Variants in MIA2 observed in about 807,000 individuals in gnomAD.
The protein encoded by MIA2 is melanoma inhibitory activity protein 2.
A neutral mutation model predicts 167.8 loss-of-function variants in MIA2; 127 were observed. The ratio of observed to expected loss-of-function variants is 0.76; its 90% CI spans 0.66 to 0.88. MIA2 has a LOEUF of 0.88. MIA2 is among the 40% of genes least tolerant of loss of function. MIA2 has a pLI of 0.00. For synonymous variants in MIA2, 552 were observed against 541.9 expected (o/e 1.02, Z -0.26); for missense variants, 1,690 against 1,624.7 (o/e 1.04, Z -0.69).
intron 18 of MIA2, among the ~76,000 whole-genome samples, chr14:39,311,623 G>C (rs7151835): frequency 1.3e-5 from 2 of 151,042 alleles, no homozygotes; most frequent in South Asian, 4.2e-4. Context: ...GACTACAGGC[G>C]TGCGCCACCA....
chr14:39,326,692 T>C (rs1260010855), intron 24 of MIA2, among the ~76,000 whole-genome samples, 172 bp from the exon 25 acceptor site: 1 of 151,168 alleles, frequency 6.6e-6, no homozygotes, highest in Admixed American at 6.6e-5. Context: ...AATTACTTTA[T>C]AATTATCCTG....
intron 23 of MIA2, chr14:39,386,429 G>A (rs541827907): frequency 1.8e-5 from 28 of 1,551,864 alleles, no homozygotes; most frequent in Middle Eastern, 1.7e-4. Context: ...GCTGTTTCTA[G>A]CAGAACCTTT....
chr14:39,355,358 A>G (rs561272407), downstream of MIA2, among the ~76,000 whole-genome samples: 112 of 152,168 alleles, frequency 7.4e-4, no homozygotes, highest in African/African-American at 2.5e-3. Flanking sequence ...CTGTTTGTCT[A>G]TTATTGGTGT....
chr14:39,371,824 CTT>C (rs1021938997), intron 23 of MIA2, among the ~76,000 whole-genome samples: 23 of 152,302 alleles, frequency 1.5e-4, no homozygotes, highest in African/African-American at 5.1e-4. Context: ...GTCTTTCTGT[CTT>C]AGTCTCCTGG....
intron 2 of MIA2, among the ~76,000 whole-genome samples, chr14:39,237,607 T>C (rs2053815125): frequency 6.6e-6 from 1 of 152,204 alleles, no homozygotes; most frequent in South Asian, 2.1e-4. Context: ...GCTAAGAGAA[T>C]GCCTTGAATT....
chr14:39,349,946 AT>A (rs1316234955), intron 28 of MIA2, 151 bp from the exon 29 acceptor site: 6 of 435,334 alleles, frequency 1.4e-5, no homozygotes, highest in Non-Finnish European at 2.5e-5. Flanking sequence ...GTTTTTCTCA[AT>A]GTAAAAATTA....
chr14:39,361,312 C>T (rs910342439), intron 23 of MIA2, among the ~76,000 whole-genome samples: 2 of 152,018 alleles, frequency 1.3e-5, no homozygotes, highest in African/African-American at 4.8e-5. Flanking sequence ...GCCTCTTTAA[C>T]TTCTTTTATC....
At chr14:39,267,080 G>T in intron 6 of MIA2, 4 of 1,095,576 alleles carry the variant, frequency 3.7e-6, no homozygotes, top group South Asian at 2.4e-5. Flanking sequence ...ACCCGGACAC[G>T]TCTGCGAAGC....
chr14:39,385,857 C>G (rs1431495371), intron 23 of MIA2: 1 of 964,720 alleles, frequency 1.0e-6, no homozygotes, highest in African/African-American at 1.6e-5. Flanking sequence ...GACCTCTCCC[C>G]CGCATGCCCC....
chr14:39,268,172 G>A (rs781166522), intron 6 of MIA2, among the ~76,000 whole-genome samples: 2 of 151,956 alleles, frequency 1.3e-5, no homozygotes, highest in Non-Finnish European at 2.9e-5. Context: ...GTGTTTCTAG[G>A]TATCTTTGTT....
chr14:39,255,107 T>G (rs1215664156), intron 6 of MIA2, among the ~76,000 whole-genome samples: 1 of 152,214 alleles, frequency 6.6e-6, no homozygotes, highest in Non-Finnish European at 1.5e-5. Flanking sequence ...AATTTTTTTT[T>G]GCTTGATTCA....
intron 10 of MIA2, chr14:39,292,586 T>A (rs912539938): frequency 5.4e-6 from 1 of 186,656 alleles, no homozygotes; most frequent in Non-Finnish European, 1.1e-5. Flanking sequence ...TAAACAAGTT[T>A]TTAAATCACT....
At chr14:39,269,087 T>TTTTTTTG in intron 6 of MIA2, 1 of 960,704 alleles carries the variant, frequency 1.0e-6, no homozygotes. Flanking sequence ...TTTTTTTTTT[T>TTTTTTTG]TTTTTTTTTT....
At chr14:39,267,436 G>T (rs377313525) in intron 6 of MIA2, 5 of 1,611,282 alleles carry the variant, frequency 3.1e-6, no homozygotes, top group Non-Finnish European at 3.4e-6. Flanking sequence ...TTACTGTGGC[G>T]ACCACGAGAG....
At position 39,350,667 on chromosome 14, in the gene MIA2, A is replaced by G. The variant is rs1330549671; in HGVS notation, c.*403A>G. 1 of 155,168 alleles carries G rather than the reference A, an allele frequency of 6.4e-6. No homozygotes were observed. The highest frequency in any genetic ancestry group is 1.9e-4 in the East Asian group (1 of 5,264). 9.6% of individuals were successfully genotyped at this position (155,168 alleles called of 1,614,324 possible). On this transcript the variant is annotated 3_prime_UTR_variant, in exon 29 of 29. Transcript: ENST00000640607. ...ATTTAAAGATTTGTTTGGCATTGAT[A>G]ATAATAAAATCAGTAGTTTTTCTAT...
rs775505742 is a variant in MIA2 at position 39,314,804 on chromosome 14, A to ATGTGTGTG, written c.3180+6_3180+7insGTGTGTGT. On this transcript the variant is annotated splice_donor_region_variant and intron_variant, in intron 20 of 28. Coordinates refer to ENST00000640607, the MANE Select transcript of MIA2 (RefSeq NM_001329214.4). ...ATTCATTCTTATCAAGGGCAGGTATATATATATGTGTGTGTGTGTGTGTGT... is the reference window on the plus strand; with the variant it reads ...ATTCATTCTTATCAAGGGCAGGTATATGTGTGTGTATATATGTGTGTGTGTGTGTGTGT... 2.5e-6 allele frequency: 3 copies of ATGTGTGTG among 1,215,942 alleles called. No homozygotes were observed. Among genetic ancestry groups the ATGTGTGTG allele is most frequent in the Admixed American group, 2.7e-5 (1 of 37,614 alleles). The allele number at this position is 1,215,942 out of a possible 1,614,324, so 75.3% of individuals were successfully genotyped here. A position where few individuals can be genotyped will look rare whatever the true frequency, so the allele number is the denominator to read the frequency against.
rs1400590133 is a variant in MIA2 at position 39,247,872 on chromosome 14, T to C, written c.1298T>C (p.Ile433Thr). The C allele has an allele frequency of 2.5e-6, 4 of 1,589,272 alleles. No individual in the cohort carries two copies. The highest frequency in any genetic ancestry group is 2.6e-6 in the Non-Finnish European group (3 of 1,173,760). ...KEQEIETIKI[I>T]ETEDQIDKKP... The stretch of plus-strand genomic sequence containing the variant: ...CAAGAAATAGAAACGATAAAAATTA[T>C]AGAAACAGAAGATCAAATAGACAAG... Residue 433 changes from isoleucine (I) to threonine (T), a missense_variant, in exon 4 of 29, where the codon ATA (isoleucine) becomes ACA (threonine). By Grantham distance (89) the Ile-to-Thr change is moderately conservative. Coordinates refer to ENST00000640607, the MANE Select transcript of MIA2 (RefSeq NM_001329214.4).
At chr14:39,316,683 T>TA (rs1294926522) in intron 21 of MIA2, among the ~76,000 whole-genome samples, 2 of 152,166 alleles carry the variant, frequency 1.3e-5, no homozygotes, top group Non-Finnish European at 2.9e-5. Context: ...CTGTATGCTT[T>TA]AGTATTGAGG....
chr14:39,353,486 A>T (rs1385683928), downstream of MIA2, among the ~76,000 whole-genome samples: 5 of 152,146 alleles, frequency 3.3e-5, no homozygotes, highest in Admixed American at 3.3e-4. Flanking sequence ...AATTTAATGA[A>T]TTCCAGTTCC....
Sources: allele counts gnomAD v4.1 joint callset (sites outside exome capture counted in the v4.1 genomes callset), GRCh38; gene constraint gnomAD v4.1.1; transcripts MANE v1.5; gene names NCBI Gene and HGNC (gene_info 2026-07-23, HGNC 2026-07-21).